Variants in AGTPBP1 observed in about 807,000 individuals in gnomAD.
The protein encoded by AGTPBP1 is cytosolic carboxypeptidase 1.
A neutral mutation model predicts 143.9 loss-of-function variants in AGTPBP1; 70 were observed. The observed-to-expected ratio is 0.49, with a 90% CI of 0.40 to 0.59. AGTPBP1 has a LOEUF of 0.59. AGTPBP1 is among the 20% of genes least tolerant of loss of function. AGTPBP1 has a pLI of 0.00. For synonymous variants in AGTPBP1, 463 were observed against 500.2 expected (o/e 0.93, Z 0.99); for missense variants, 1,229 against 1,464.5 (o/e 0.84, Z 2.62).
intron 1 of AGTPBP1, among the ~76,000 whole-genome samples, chr9:85,722,633 G>A (rs1489493776): frequency 6.6e-6 from 1 of 152,164 alleles, no homozygotes; most frequent in African/African-American, 2.4e-5. Flanking sequence ...CTTTAGCTCA[G>A]AGAAGTTTGT....
intron 17 of AGTPBP1, among the ~76,000 whole-genome samples, chr9:85,612,319 TTAA>T (rs1185786429): frequency 1.6e-4 from 24 of 151,984 alleles, no homozygotes; most frequent in Admixed American, 1.6e-3. Flanking sequence ...GTAAACTGAG[TTAA>T]TAATCATATC....
At chr9:85,597,465 T>A (rs1829369942) in intron 17 of AGTPBP1, among the ~76,000 whole-genome samples, 1 of 152,132 alleles carries the variant, frequency 6.6e-6, no homozygotes, top group South Asian at 2.1e-4. Context: ...CAATTCTTTT[T>A]CATGACTTGA....
the AGTPBP1 span, among the ~76,000 whole-genome samples, chr9:85,767,464 C>G: frequency 6.6e-6 from 1 of 151,956 alleles, no homozygotes; most frequent in Non-Finnish European, 1.5e-5. Context: ...TTCCCTGCCT[C>G]AGCCACTCGA....
chr9:85,549,135 G>A (rs1587602186), intron 25 of AGTPBP1, among the ~76,000 whole-genome samples: 1 of 152,324 alleles, frequency 6.6e-6, no homozygotes, highest in East Asian at 1.9e-4. Context: ...AGGGAAGGGA[G>A]AAAAGACAAA....
chr9:85,755,945 G>A, the AGTPBP1 span: 3 of 719,622 alleles, frequency 4.2e-6, no homozygotes, highest in African/African-American at 5.5e-5. Context: ...ACGGCTACCT[G>A]AGTTACTCTA....
chr9:85,646,936 T>TA (rs376708469), intron 11 of AGTPBP1, among the ~76,000 whole-genome samples: 95 of 146,804 alleles, frequency 6.5e-4, no homozygotes, highest in African/African-American at 1.2e-3. Context: ...CTGGTGTGCT[T>TA]AAAAAAAAAA....
chr9:85,622,245 G>C (rs1317616131), intron 14 of AGTPBP1, among the ~76,000 whole-genome samples: 1 of 152,206 alleles, frequency 6.6e-6, no homozygotes, highest in South Asian at 2.1e-4. Context: ...TTTATTGAGA[G>C]CAGGGTGAGA....
chr9:85,598,668 T>C (rs543634433), intron 17 of AGTPBP1, among the ~76,000 whole-genome samples: 2 of 152,320 alleles, frequency 1.3e-5, no homozygotes, highest in South Asian at 2.1e-4. Context: ...TATCTGTCTT[T>C]ATGCAAGTCA....
intron 25 of AGTPBP1, among the ~76,000 whole-genome samples, chr9:85,548,523 G>A (rs1214574558): frequency 6.6e-6 from 1 of 152,146 alleles, no homozygotes; most frequent in Non-Finnish European, 1.5e-5. Flanking sequence ...GTGGCTTGGA[G>A]GATTGTGTGA....
chr9:85,625,917 T>G lies in AGTPBP1; in HGVS notation c.2016-4632A>C, dbSNP rs538296152. Among the ~76,000 whole-genome samples the G allele has an allele frequency of 7.8e-3, 1,160 of 149,058 alleles. 25 individuals are homozygous for G. Among genetic ancestry groups the G allele is most frequent in the African/African-American group, 0.027 (1,094 of 40,918 alleles). On this transcript the variant is annotated intron_variant, in intron 14 of 25. Coordinates refer to ENST00000357081, the MANE Select transcript of AGTPBP1 (RefSeq NM_001330701.2). ...AAACCTAGTTTTGTTTTTTTTTTTT[T>G]TTTTTTTAGGATATATGAAAAAACA...
intron 6 of AGTPBP1, among the ~76,000 whole-genome samples, chr9:85,676,628 G>C (rs1834846843): frequency 6.6e-6 from 1 of 152,072 alleles, no homozygotes; most frequent in South Asian, 2.1e-4. Flanking sequence ...AAACAGTATG[G>C]GGGTTCCCCA....
chr9:85,776,799 C>T, the AGTPBP1 span, among the ~76,000 whole-genome samples: 109 of 152,220 alleles, frequency 7.2e-4, no homozygotes, highest in South Asian at 6.6e-3. Flanking sequence ...GCCAGCAGAA[C>T]GTAATGTTGT....
At chr9:85,628,767 G>A (rs1831463774) in intron 14 of AGTPBP1, among the ~76,000 whole-genome samples, 1 of 152,116 alleles carries the variant, frequency 6.6e-6, no homozygotes, top group Admixed American at 6.6e-5. Context: ...AAGCTGGAGT[G>A]CGGTGGCACG....
the AGTPBP1 span, among the ~76,000 whole-genome samples, chr9:85,770,089 G>A: frequency 6.8e-6 from 1 of 147,478 alleles, no homozygotes; most frequent in Admixed American, 7.0e-5. Flanking sequence ...GTGTGTGTGT[G>A]TATGTGTATG....
At chr9:85,774,098 T>C in the AGTPBP1 span, 57 of 1,115,886 alleles carry the variant, frequency 5.1e-5, no homozygotes, top group Middle Eastern at 9.9e-4. Context: ...TGAAGGAAGA[T>C]AGGACAGAAT....
chr9:85,692,060 G>A lies in AGTPBP1; in HGVS notation c.157+629C>T, dbSNP rs576682601. The stretch of plus-strand genomic sequence containing the variant: ...AATAGTAGAGCCTGAATTTCAAAGT[G>A]AGGACCCCATAATAACCAATATTCT... On this transcript the variant is annotated intron_variant, in intron 3 of 25. Transcript: ENST00000357081. 2.0e-5 allele frequency among the ~76,000 whole-genome samples: 3 copies of A among 152,190 alleles called. No individual in the cohort carries two copies. The South Asian group carries it at 6.2e-4, about 32-fold the overall frequency.
At chr9:85,717,840 C>G (rs866732723) in intron 1 of AGTPBP1, among the ~76,000 whole-genome samples, 1 of 151,990 alleles carries the variant, frequency 6.6e-6, no homozygotes, top group East Asian at 1.9e-4. Context: ...CCCCCCACCC[C>G]CTAACAGGCC....
intron 25 of AGTPBP1, among the ~76,000 whole-genome samples, chr9:85,548,971 G>A (rs1231658413): frequency 6.6e-6 from 1 of 152,128 alleles, no homozygotes; most frequent in East Asian, 1.9e-4. Context: ...CACCACACCC[G>A]ACCTTATTTG....
chr9:85,657,379 A>C (rs1179574617), intron 10 of AGTPBP1, 56 bp downstream of exon 10: 2 of 1,443,386 alleles, frequency 1.4e-6, no homozygotes, highest in Non-Finnish European at 1.9e-6. Context: ...AGTTTTCTTA[A>C]CAACCAAATC....
Sources: gnomAD v4.1 joint callset for allele counts (sites outside exome capture counted in the v4.1 genomes callset) on GRCh38, gnomAD v4.1.1 for gene constraint, MANE v1.5 for transcripts, NCBI Gene and HGNC (gene_info 2026-07-23, HGNC 2026-07-21) for gene names.